Variants in BRD10 observed in about 807,000 individuals in gnomAD.
BRD10 encodes the protein bromodomain containing 10.
the BRD10 span, among the ~76,000 whole-genome samples, chr9:5,970,563 A>G: frequency 6.6e-6 from 1 of 152,212 alleles, no homozygotes; most frequent in African/African-American, 2.4e-5. Flanking sequence ...AATAAGCAAC[A>G]AGAGAAAAAT....
At chr9:6,003,702 C>G in the BRD10 span, among the ~76,000 whole-genome samples, 1 of 152,068 alleles carries the variant, frequency 6.6e-6, no homozygotes, top group Non-Finnish European at 1.5e-5. Flanking sequence ...AATTAATCAG[C>G]TTTTGGAAAC....
chr9:5,952,114 A>G, the BRD10 span, among the ~76,000 whole-genome samples: 1 of 151,866 alleles, frequency 6.6e-6, no homozygotes, highest in Non-Finnish European at 1.5e-5. Flanking sequence ...TCTGCCTCCC[A>G]GATTCAAGTG....
At chr9:5,924,366 T>C in the BRD10 span, among the ~76,000 whole-genome samples, 2 of 152,126 alleles carry the variant, frequency 1.3e-5, no homozygotes, top group Non-Finnish European at 1.5e-5. Flanking sequence ...TAACCTTAAA[T>C]TCCTGGCCTC....
the BRD10 span, among the ~76,000 whole-genome samples, chr9:5,882,566 T>C: frequency 6.6e-6 from 1 of 152,192 alleles, no homozygotes; most frequent in South Asian, 2.1e-4. Context: ...CAAAAAATAC[T>C]GCAAGGACAA....
At chr9:5,986,161 C>A in the BRD10 span, among the ~76,000 whole-genome samples, 19 of 152,118 alleles carry the variant, frequency 1.2e-4, no homozygotes. Context: ...GTGTGTTGTT[C>A]CCCTCCCTGT....
chr9:5,905,123 T>C, the BRD10 span, among the ~76,000 whole-genome samples: 1 of 152,148 alleles, frequency 6.6e-6, no homozygotes, highest in African/African-American at 2.4e-5. Flanking sequence ...GTTTGCAACA[T>C]ACATTTACAA....
chr9:5,975,788 A>G, the BRD10 span, among the ~76,000 whole-genome samples: 1 of 152,340 alleles, frequency 6.6e-6, no homozygotes, highest in African/African-American at 2.4e-5. Context: ...CTGGGAAAAA[A>G]TACACTTAAT....
the BRD10 span, among the ~76,000 whole-genome samples, chr9:5,994,536 T>A: frequency 6.6e-6 from 1 of 152,382 alleles, no homozygotes; most frequent in Non-Finnish European, 1.5e-5. Flanking sequence ...AATTTCTTTT[T>A]CGTCTTCCTT....
chr9:5,922,874 G>C, the BRD10 span: 3 of 1,613,962 alleles, frequency 1.9e-6, no homozygotes, highest in South Asian at 3.3e-5. Context: ...TTCCGGAGGA[G>C]ATAAAACTGG....
chr9:5,903,417 TGTTG>T, the BRD10 span, among the ~76,000 whole-genome samples: 2 of 152,228 alleles, frequency 1.3e-5, no homozygotes, highest in Non-Finnish European at 2.9e-5. Context: ...TTTGCTAATA[TGTTG>T]TTGAGTTTTT....
chr9:6,003,890 C>G, the BRD10 span, among the ~76,000 whole-genome samples: 1 of 152,098 alleles, frequency 6.6e-6, no homozygotes, highest in Non-Finnish European at 1.5e-5. Context: ...TACTTAAGTC[C>G]TAATATTTTC....
At chr9:5,960,909 G>T in the BRD10 span, among the ~76,000 whole-genome samples, 1 of 152,136 alleles carries the variant, frequency 6.6e-6, no homozygotes, top group South Asian at 2.1e-4. Flanking sequence ...ATTGCCCAAA[G>T]ATGTTCATGG....
the BRD10 span, among the ~76,000 whole-genome samples, chr9:5,957,969 TAA>T: frequency 5.9e-5 from 9 of 152,144 alleles, no homozygotes; most frequent in African/African-American, 1.9e-4. Context: ...TCCACTGCCC[TAA>T]GTTACTTGGT....
At chr9:5,923,354 C>A in the BRD10 span, 1 of 1,386,916 alleles carries the variant, frequency 7.2e-7, no homozygotes, top group East Asian at 2.3e-5. Context: ...AAAACAGCAA[C>A]TAAATAGTAA....
chr9:5,944,466 TAAAC>T, the BRD10 span, among the ~76,000 whole-genome samples: 1 of 152,248 alleles, frequency 6.6e-6, no homozygotes, highest in Middle Eastern at 3.4e-3. Context: ...GGGGCAGTAT[TAAAC>T]AATTTACATC....
At chr9:6,007,640 G>A in the BRD10 span, 3 of 1,603,198 alleles carry the variant, frequency 1.9e-6, no homozygotes, top group Non-Finnish European at 1.7e-6. Flanking sequence ...GCGTCCTCCA[G>A]CGAGGAGGCA....
At chr9:5,890,422 C>T in the BRD10 span, among the ~76,000 whole-genome samples, 2 of 152,146 alleles carry the variant, frequency 1.3e-5, no homozygotes, top group Non-Finnish European at 2.9e-5. Context: ...TGGGCATCCT[C>T]CTCAGCTGAG....
At chr9:5,935,961 T>G in the BRD10 span, among the ~76,000 whole-genome samples, 1 of 152,338 alleles carries the variant, frequency 6.6e-6, no homozygotes, top group East Asian at 1.9e-4. Context: ...ATGAATATAA[T>G]CTAACTTGAT....
chr9:5,936,462 A>G, the BRD10 span, among the ~76,000 whole-genome samples: 1 of 152,214 alleles, frequency 6.6e-6, no homozygotes, highest in Non-Finnish European at 1.5e-5. Flanking sequence ...TTAGAATTAC[A>G]TCTTAAAGAA....
Sources: allele counts gnomAD v4.1 joint callset (sites outside exome capture counted in the v4.1 genomes callset), GRCh38; gene constraint gnomAD v4.1.1; transcripts MANE v1.5; gene names NCBI Gene and HGNC (gene_info 2026-07-23, HGNC 2026-07-21).